Variants in PTPRR observed in about 807,000 individuals in gnomAD.
PTPRR encodes the protein protein tyrosine phosphatase receptor type R, also known as receptor-type tyrosine-protein phosphatase R.
A neutral mutation model predicts 77.2 loss-of-function variants in PTPRR; 38 were observed. The ratio of observed to expected loss-of-function variants is 0.49; its 90% CI spans 0.38 to 0.65. PTPRR has a LOEUF of 0.65. Ranked by LOEUF, PTPRR falls within the 30% of genes least tolerant of loss-of-function variation. The pLI is 0.00. For synonymous variants in PTPRR, 299 were observed against 283.1 expected, an observed-to-expected ratio of 1.06 and a Z score of -0.57; for missense variants, 744 against 799.2, an observed-to-expected ratio of 0.93 and a Z score of 0.83.
chr12:70,668,147 A>G (rs934792638), intron 10 of PTPRR, among the ~76,000 whole-genome samples: 2 of 152,166 alleles, frequency 1.3e-5, no homozygotes, highest in African/African-American at 4.8e-5. Flanking sequence ...TGCACTGTAG[A>G]CTATCCTTTC....
chr12:70,834,161 A>G lies in PTPRR; in HGVS notation c.357+58518T>C, dbSNP rs77106780. On this transcript the variant is annotated intron_variant, in intron 2 of 13. Coordinates refer to ENST00000283228, the MANE Select transcript of PTPRR (RefSeq NM_002849.4). ...TACCTTTAGAATATGGCAACCATAC[A>G]GCATTTCTGAAACTTATTTCTAGAG... 1.8e-4 allele frequency among the ~76,000 whole-genome samples: 27 copies of G among 152,326 alleles called. No individual in the cohort carries two copies. The East Asian group carries it at 4.8e-3, about 27-fold the overall frequency.
At chr12:70,831,486 C>G (rs1892212103) in intron 2 of PTPRR, among the ~76,000 whole-genome samples, 1 of 152,180 alleles carries the variant, frequency 6.6e-6, no homozygotes, top group Non-Finnish European at 1.5e-5. Flanking sequence ...GTGATTCAAT[C>G]AGCCAGCAGG....
chr12:70,713,210 T>C (rs1173335735), intron 6 of PTPRR, among the ~76,000 whole-genome samples: 1 of 152,208 alleles, frequency 6.6e-6, no homozygotes, highest in Non-Finnish European at 1.5e-5. Context: ...TCATCCATGT[T>C]GTAGCATCTA....
chr12:70,856,848 GGA>G (rs140876613), intron 2 of PTPRR, among the ~76,000 whole-genome samples: 138 of 148,098 alleles, frequency 9.3e-4, no homozygotes, highest in Non-Finnish European at 1.7e-3. Context: ...GGAGAGAGGG[GGA>G]GAGAGAGAGA....
At chr12:70,887,202 C>G (rs1013003285) in intron 2 of PTPRR, among the ~76,000 whole-genome samples, 1 of 151,906 alleles carries the variant, frequency 6.6e-6, no homozygotes, top group African/African-American at 2.4e-5. Context: ...GTAATCCCAG[C>G]ACTTTGGGAG....
At chr12:70,877,869 C>T (rs949593011) in intron 2 of PTPRR, among the ~76,000 whole-genome samples, 5 of 152,204 alleles carry the variant, frequency 3.3e-5, no homozygotes, top group African/African-American at 1.2e-4. Flanking sequence ...GCTACAGTAA[C>T]CAAAACAGCA....
At chr12:70,656,881 T>G in intron 12 of PTPRR, 64 bp from the exon 13 acceptor site, 1 of 1,125,976 alleles carries the variant, frequency 8.9e-7, no homozygotes, top group Non-Finnish European at 1.3e-6. Flanking sequence ...AAACATTCTT[T>G]TACAAGGGTA....
In PTPRR at chr12:70,666,935, G is replaced by GTTTTTTTTTTTTTTTTTTTT. The variant is rs142691396; in HGVS notation, c.1498-4350_1498-4331dup. Among the ~76,000 whole-genome samples, 3 of 29,052 alleles carry GTTTTTTTTTTTTTTTTTTTT rather than the reference G, an allele frequency of 1.0e-4. 1 individual carries two copies. The highest frequency in any genetic ancestry group is 2.8e-4 in the Non-Finnish European group (3 of 10,902). The allele number at this position is 29,052 out of a possible 152,430, so 19.1% of individuals were successfully genotyped here. A position where few individuals can be genotyped will look rare whatever the true frequency, so the allele number is the denominator to read the frequency against. On this transcript the variant is annotated intron_variant, in intron 10 of 13. Coordinates refer to ENST00000283228, the MANE Select transcript of PTPRR (RefSeq NM_002849.4). ...TTTTTGATTAACTGTGTGTTTTTCT[G>GTTTTTTTTTTTTTTTTTTTT]TTTTTTTTTTTTTTTTTTTTTTTTT...
At chr12:70,711,938 G>A (rs956097966) in intron 6 of PTPRR, among the ~76,000 whole-genome samples, 3 of 152,052 alleles carry the variant, frequency 2.0e-5, no homozygotes, top group Admixed American at 6.6e-5. Context: ...AGAACAGTAA[G>A]TTATTTAAAT....
intron 13 of PTPRR, among the ~76,000 whole-genome samples, chr12:70,645,165 T>G (rs998527124): frequency 7.9e-5 from 12 of 152,186 alleles, no homozygotes; most frequent in African/African-American, 2.9e-4. Context: ...AATCCCAGCT[T>G]TGACCAGGGA....
At chr12:70,725,507 A>G (rs1889400414) in intron 6 of PTPRR, among the ~76,000 whole-genome samples, 1 of 152,146 alleles carries the variant, frequency 6.6e-6, no homozygotes, top group Non-Finnish European at 1.5e-5. Context: ...CACCTCCCCA[A>G]TGTATTAAGT....
At chr12:70,769,006 A>G (rs911313245) in intron 2 of PTPRR, among the ~76,000 whole-genome samples, 7 of 146,356 alleles carry the variant, frequency 4.8e-5, no homozygotes, top group African/African-American at 1.9e-4. Flanking sequence ...GATGGGACAT[A>G]TCTCAAAATA....
rs543874931 is a variant in PTPRR, at chr12:70,757,949, G to T, written c.627+3522C>A. Among the ~76,000 whole-genome samples the T allele has an allele frequency of 4.7e-4, 72 of 152,238 alleles. 1 individual carries two copies. The highest frequency in any genetic ancestry group is 1.7e-3 in the African/African-American group (71 of 41,526). On this transcript the variant is annotated intron_variant, in intron 4 of 13. Coordinates refer to ENST00000283228, the MANE Select transcript of PTPRR (RefSeq NM_002849.4). ...TAAGCAACTATCAATCAATATTTTT[G>T]CAGGGCTTCTTTAGGTTGTATCTGT...
At chr12:70,823,462 A>G (rs1159923681) in intron 2 of PTPRR, among the ~76,000 whole-genome samples, 1 of 152,166 alleles carries the variant, frequency 6.6e-6, no homozygotes, top group African/African-American at 2.4e-5. Context: ...ATTCTGAAAC[A>G]GTGTCAGAAT....
chr12:70,672,006 T>A, intron 10 of PTPRR: 2 of 1,306,894 alleles, frequency 1.5e-6, no homozygotes, highest in African/African-American at 1.4e-5. Context: ...ATGAGACTAG[T>A]CCAGTTCCAG....
chr12:70,827,913 G>A (rs1362076744), intron 2 of PTPRR, among the ~76,000 whole-genome samples: 2 of 151,776 alleles, frequency 1.3e-5, no homozygotes, highest in Non-Finnish European at 2.9e-5. Context: ...GTAGAGACGG[G>A]TTTCACCATG....
intron 2 of PTPRR, among the ~76,000 whole-genome samples, chr12:70,811,794 T>C (rs914354059): frequency 9.2e-5 from 14 of 152,216 alleles, no homozygotes; most frequent in Non-Finnish European, 1.6e-4. Flanking sequence ...GGTCAGTGAC[T>C]GGCCCAAGGT....
chr12:70,778,437 G>A (rs1891135767), intron 2 of PTPRR, among the ~76,000 whole-genome samples: 1 of 152,096 alleles, frequency 6.6e-6, no homozygotes, highest in Admixed American at 6.5e-5. Flanking sequence ...GCCTATTTCA[G>A]TAATATTTTC....
At chr12:70,889,320 G>A (rs927987386) in intron 2 of PTPRR, among the ~76,000 whole-genome samples, 1 of 152,150 alleles carries the variant, frequency 6.6e-6, no homozygotes, top group Admixed American at 6.5e-5. Flanking sequence ...GCAAAGCAAT[G>A]AGAAAGCCGG....
Sources: gnomAD v4.1 joint callset for allele counts (sites outside exome capture counted in the v4.1 genomes callset) on GRCh38, gnomAD v4.1.1 for gene constraint, MANE v1.5 for transcripts, NCBI Gene and HGNC (gene_info 2026-07-23, HGNC 2026-07-21) for gene names.